RGS8: variants seen among roughly 807,000 people sequenced by gnomAD.
RGS8 encodes the protein regulator of G-protein signaling 8.
In RGS8, 8 loss-of-function variants were observed where a neutral mutation model predicts 21.7. The ratio of observed to expected loss-of-function variants is 0.37; its 90% confidence interval spans 0.22 to 0.66. RGS8 has a LOEUF of 0.66. Ranked by LOEUF, RGS8 falls within the 30% of genes least tolerant of loss-of-function variation. RGS8 has a pLI of 0.59. For synonymous variants in RGS8, 80 were observed against 83.6 expected, an observed-to-expected ratio of 0.96 and a Z score of 0.24; for missense variants, 157 against 217.9, an observed-to-expected ratio of 0.72 and a Z score of 1.76.
chr1:182,664,174 A>G lies in RGS8; in HGVS notation c.193+1795T>C, dbSNP rs778308744. Among the ~76,000 whole-genome samples the G allele has an allele frequency of 7.9e-4, 120 of 152,250 alleles. 1 individual carries two copies. The Middle Eastern group carries it at 0.037, about 47-fold the overall frequency. ...TCCTAAGCTTCCTATCACTAATTTC[A>G]CCACCATAAACTCCGACCATAATGG... is the stretch of plus-strand genomic sequence containing the variant. On this transcript the variant is annotated intron_variant, in intron 5 of 6. Transcript: ENST00000483095.
exon 6 of RGS8, chr1:182,648,235 C>A (rs142056098): frequency 6.2e-7 from 1 of 1,613,586 alleles, no homozygotes; most frequent in African/African-American, 1.3e-5. Flanking sequence ...TCCTCACAGG[C>A]CAACCAGAAT....
the RGS8 span, among the ~76,000 whole-genome samples, chr1:182,738,409 G>A: frequency 2.0e-5 from 3 of 152,074 alleles, no homozygotes; most frequent in Non-Finnish European, 2.9e-5. Flanking sequence ...ATAAATAGTA[G>A]CCTATATAAT....
At chr1:182,708,057 T>C in the RGS8 span, among the ~76,000 whole-genome samples, 1 of 152,168 alleles carries the variant, frequency 6.6e-6, no homozygotes, top group Admixed American at 6.5e-5. Flanking sequence ...AAGTCTGTCA[T>C]TGTATAGATG....
the RGS8 span, among the ~76,000 whole-genome samples, chr1:182,750,054 A>G: frequency 1.3e-5 from 2 of 152,246 alleles, no homozygotes; most frequent in Non-Finnish European, 2.9e-5. Flanking sequence ...AAAGTTCTCA[A>G]TAGGACCAAG....
the RGS8 span, among the ~76,000 whole-genome samples, chr1:182,740,548 G>GTTTGT: frequency 1.3e-5 from 1 of 75,958 alleles, no homozygotes; most frequent in Non-Finnish European, 2.9e-5. Context: ...TTGTTTGTTT[G>GTTTGT]TTTTTTTTTT....
At chr1:182,651,985 G>A (rs758162080) in intron 5 of RGS8, among the ~76,000 whole-genome samples, 3 of 152,240 alleles carry the variant, frequency 2.0e-5, no homozygotes, top group Non-Finnish European at 2.9e-5. Flanking sequence ...AGGGTCCGTA[G>A]GCCAGAGGTT....
chr1:182,698,668 G>C, the RGS8 span, among the ~76,000 whole-genome samples: 1 of 152,086 alleles, frequency 6.6e-6, no homozygotes, highest in Non-Finnish European at 1.5e-5. Flanking sequence ...TTGCTTTTTT[G>C]TGGGTGAAAA....
At chr1:182,732,303 C>CACACACACACACA in the RGS8 span, among the ~76,000 whole-genome samples, 21 of 95,794 alleles carry the variant, frequency 2.2e-4, no homozygotes, top group African/African-American at 9.6e-4. Context: ...ACACACACAC[C>CACACACACACACA]CACTGTAGCA....
chr1:182,673,253 A>T (rs887457270), upstream of RGS8, among the ~76,000 whole-genome samples: 1 of 152,222 alleles, frequency 6.6e-6, no homozygotes, highest in African/African-American at 2.4e-5. Flanking sequence ...ACCTTTTTAA[A>T]TGTATAAAGC....
chr1:182,710,060 T>C, the RGS8 span, among the ~76,000 whole-genome samples: 1 of 152,292 alleles, frequency 6.6e-6, no homozygotes, highest in Admixed American at 6.5e-5. Context: ...TGGTCTAGCA[T>C]AGGCCACATA....
chr1:182,675,859 T>C (rs1664339562), upstream of RGS8, among the ~76,000 whole-genome samples: 1 of 152,188 alleles, frequency 6.6e-6, no homozygotes, highest in Admixed American at 6.5e-5. Context: ...CAACTGACTG[T>C]GTGCTCCAAA....
chr1:182,648,158 C>T (rs1435239201), exon 6 of RGS8: 3 of 1,611,478 alleles, frequency 1.9e-6, no homozygotes, highest in Non-Finnish European at 2.5e-6. Context: ...CCTGCACATC[C>T]ACAAACTCCT....
chr1:182,705,973 C>CT, the RGS8 span, among the ~76,000 whole-genome samples: 4 of 151,570 alleles, frequency 2.6e-5, no homozygotes, highest in Non-Finnish European at 4.4e-5. Context: ...GGAGATGCAA[C>CT]TTTTTTTTTC....
intron 5 of RGS8, among the ~76,000 whole-genome samples, chr1:182,659,614 G>A (rs925843635): frequency 1.1e-4 from 16 of 152,036 alleles, no homozygotes; most frequent in African/African-American, 2.7e-4. Flanking sequence ...CAGGAGAATC[G>A]CTTGAACCCG....
chr1:182,722,932 C>G, the RGS8 span, among the ~76,000 whole-genome samples: 2 of 151,792 alleles, frequency 1.3e-5, no homozygotes, highest in African/African-American at 4.8e-5. Context: ...GAGCCCAGAT[C>G]GCGCCACTGC....
At chr1:182,748,678 A>G in the RGS8 span, among the ~76,000 whole-genome samples, 1 of 152,196 alleles carries the variant, frequency 6.6e-6, no homozygotes, top group Non-Finnish European at 1.5e-5. Flanking sequence ...AGGAAACTTC[A>G]TACTGTTTTT....
At chr1:182,711,443 G>A in the RGS8 span, among the ~76,000 whole-genome samples, 1 of 152,172 alleles carries the variant, frequency 6.6e-6, no homozygotes, top group Non-Finnish European at 1.5e-5. Flanking sequence ...TACCTGCAAC[G>A]TTTGATCTCC....
the RGS8 span, among the ~76,000 whole-genome samples, chr1:182,700,178 C>T: frequency 3.9e-5 from 6 of 152,214 alleles, no homozygotes; most frequent in Non-Finnish European, 8.8e-5. Flanking sequence ...AGGGGGATCC[C>T]TCGGCGGTTA....
At chr1:182,714,773 C>T in the RGS8 span, among the ~76,000 whole-genome samples, 1 of 152,084 alleles carries the variant, frequency 6.6e-6, no homozygotes, top group Admixed American at 6.5e-5. Context: ...CATATAACAC[C>T]AAAATATAAC....
Sources: gnomAD v4.1 joint callset for allele counts (sites outside exome capture counted in the v4.1 genomes callset) on GRCh38, gnomAD v4.1.1 for gene constraint, MANE v1.5 for transcripts, NCBI Gene and HGNC (gene_info 2026-07-23, HGNC 2026-07-21) for gene names.